The following MROH2A variants were observed in gnomAD, a reference collection of about 807,000 sequenced individuals.
MROH2A encodes maestro heat-like repeat-containing protein family member 2A.
A neutral mutation model predicts 200.4 loss-of-function variants in MROH2A; 174 were observed. The observed-to-expected ratio is 0.87, with a 90% CI of 0.77 to 0.98. MROH2A has a LOEUF of 0.98. Among genes scored for constraint, MROH2A ranks in the 50% least tolerant of loss-of-function variants. The probability of loss-of-function intolerance (pLI) is 0.00; values close to 1 mark genes in which losing one functional copy is unlikely to be tolerated. For missense variants in MROH2A, 2,045 were observed against 2,139.6 expected, an observed-to-expected ratio of 0.96 and a Z score of 0.87; for synonymous variants, 829 against 840.4, an observed-to-expected ratio of 0.99 and a Z score of 0.23.
chr2:233,778,765 G>A (rs1414813142), intron 1 of MROH2A, among the ~76,000 whole-genome samples: 1 of 152,160 alleles, frequency 6.6e-6, no homozygotes, highest in Non-Finnish European at 1.5e-5. Context: ...GAGGGCGAGA[G>A]GGCTCTATTA....
At chr2:233,813,466 C>T (rs189711533) in intron 24 of MROH2A, among the ~76,000 whole-genome samples, 2 of 152,314 alleles carry the variant, frequency 1.3e-5, no homozygotes, top group East Asian at 3.9e-4. Context: ...TGCATCTCCC[C>T]TTCAATCACA....
intron 6 of MROH2A, among the ~76,000 whole-genome samples, 166 bp from the exon 7 acceptor site, chr2:233,793,507 C>T (rs764443756): frequency 3.3e-5 from 5 of 152,168 alleles, no homozygotes; most frequent in Non-Finnish European, 7.3e-5. Context: ...CACACACAGG[C>T]ACGCAGAGTA....
chr2:233,802,429 A>G (rs1173258215), intron 15 of MROH2A, 114 bp downstream of exon 15: 4 of 1,232,954 alleles, frequency 3.2e-6, no homozygotes, highest in Non-Finnish European at 3.3e-6. Flanking sequence ...TCTCCTGGAA[A>G]CATCCAAGTC....
At chr2:233,806,874 T>C (rs934648068) in intron 19 of MROH2A, among the ~76,000 whole-genome samples, 8 of 152,186 alleles carry the variant, frequency 5.3e-5, no homozygotes, top group Non-Finnish European at 2.9e-5. Context: ...ATTTGCAAGA[T>C]TTTGGTGCAC....
At chr2:233,829,093 C>T (rs1307462261) in intron 37 of MROH2A, 21 bp downstream of exon 37, 1 of 1,485,902 alleles carries the variant, frequency 6.7e-7, no homozygotes, top group African/African-American at 1.4e-5. Flanking sequence ...TGAGAGCCTC[C>T]CTGAGCTTGC....
At chr2:233,793,588 T>G in intron 6 of MROH2A, 85 bp from the exon 7 acceptor site, 1 of 1,279,594 alleles carries the variant, frequency 7.8e-7, no homozygotes, top group Non-Finnish European at 1.0e-6. Flanking sequence ...CATGAGCACT[T>G]CCACTCGGGA....
chr2:233,814,992 A>C (rs1336599279), intron 26 of MROH2A, among the ~76,000 whole-genome samples: 1 of 152,218 alleles, frequency 6.6e-6, no homozygotes, highest in Non-Finnish European at 1.5e-5. Flanking sequence ...ATATAACAAC[A>C]GTACCATGAT....
rs1389679345 is a variant in MROH2A, at chr2:233,823,587, C to G, written c.4036C>G (p.Gln1346Glu). The G allele has an allele frequency of 3.2e-6, 5 of 1,550,252 alleles. No homozygotes were observed. Among genetic ancestry groups the G allele is most frequent in the Non-Finnish European group, 4.4e-6 (5 of 1,146,974 alleles). ...LCMQHVEGHR[Q>E]RLAELVLRGM... ...CATGCAGCACGTGGAGGGCCACAGGCAGAGGCTGGCCGAGCTGGTGCTCAG... is the reference window on the plus strand; with the variant it reads ...CATGCAGCACGTGGAGGGCCACAGGGAGAGGCTGGCCGAGCTGGTGCTCAG... Residue 1346 changes from glutamine to glutamate, a missense_variant, in exon 35 of 42, where the codon CAG becomes GAG. Physicochemically the swap from Gln to Glu is conservative, Grantham distance 29 (BLOSUM62 2). This residue lies in a region of MROH2A where 1,201 missense variants were observed against 1,311.3 expected (regional missense o/e 0.92). Coordinates refer to ENST00000389758, the MANE Select transcript of MROH2A (RefSeq NM_001394639.1).
At chr2:233,792,406 G>A (rs1468223925) in intron 5 of MROH2A, among the ~76,000 whole-genome samples, 2 of 150,928 alleles carry the variant, frequency 1.3e-5, no homozygotes, top group African/African-American at 2.4e-5. Flanking sequence ...TCCGCCTCCC[G>A]GGTTCACGCC....
chr2:233,801,866 G>A (rs1230534003), intron 14 of MROH2A, among the ~76,000 whole-genome samples: 2 of 152,212 alleles, frequency 1.3e-5, no homozygotes, highest in Non-Finnish European at 2.9e-5. Context: ...GGAGGGCCCT[G>A]GATGAGAAGG....
intron 27 of MROH2A, among the ~76,000 whole-genome samples, chr2:233,817,095 G>A (rs1159779134): frequency 6.6e-6 from 1 of 152,214 alleles, no homozygotes; most frequent in African/African-American, 2.4e-5. Context: ...GCTTTGTGGG[G>A]CCTGTGGCTT....
intron 1 of MROH2A, among the ~76,000 whole-genome samples, 187 bp downstream of exon 1, chr2:233,778,668 G>A (rs1700785547): frequency 6.6e-6 from 1 of 152,186 alleles, no homozygotes; most frequent in South Asian, 2.1e-4. Context: ...TTAAGAAGCT[G>A]TGGATGTTGA....
In MROH2A at chr2:233,828,734, G is replaced by C; in HGVS notation, c.4218G>C (p.Leu1406=). 1 of 1,550,548 alleles carries C rather than the reference G, an allele frequency of 6.4e-7. No homozygotes were observed. The highest frequency in any genetic ancestry group is 8.7e-7 in the Non-Finnish European group (1 of 1,146,928). ...AGGAAGACGAGGCCCTGCGGGTGCT[G>C]TCCCTGCGCGCCCTCGGCAACATGG... is the stretch of plus-strand genomic sequence containing the variant. ...DQEEDEALRV[L]SLRALGNMAL... Residue 1406 remains leucine, a synonymous_variant, in exon 36 of 42, where the codon CTG becomes CTC. Transcript: ENST00000389758. The surrounding 1 kb of genome is among the most constrained non-coding windows in gnomAD (Gnocchi z 4.6).
intron 26 of MROH2A, among the ~76,000 whole-genome samples, chr2:233,816,120 G>A (rs1319625139): frequency 6.6e-6 from 1 of 151,980 alleles, no homozygotes; most frequent in Admixed American, 6.5e-5. Context: ...CATCTATCTT[G>A]GTAAATATTT....
Position 233,799,908 on chromosome 2 carries a change from C to A in MROH2A, c.1449+9C>A. On this transcript the variant is annotated intron_variant, in intron 13 of 41. Coordinates refer to ENST00000389758, the MANE Select transcript of MROH2A (RefSeq NM_001394639.1). The stretch of plus-strand genomic sequence containing the variant: ...TATCCACCTACAAACTGGTGAGTGG[C>A]CCTGATACGCAGACCGCAGAGCAGC... 1 of 1,550,392 alleles carries A rather than the reference C, an allele frequency of 6.4e-7. No homozygotes were observed. The highest frequency in any genetic ancestry group is 8.7e-7 in the Non-Finnish European group (1 of 1,146,894).
In MROH2A at chr2:233,804,504, A is replaced by G; in HGVS notation, c.1901A>G (p.Glu634Gly). 6.4e-7 allele frequency: 1 copy of G among 1,551,286 alleles called. No homozygotes were observed. The highest frequency in any genetic ancestry group is 8.7e-7 in the Non-Finnish European group (1 of 1,147,138). Residue 634 changes from glutamate (E) to glycine (G), a missense_variant, in exon 18 of 42, where the codon GAG becomes GGG. Transcript: ENST00000389758. ...ACATGTGTTCCTGCAGAACATACTG[A>G]GTTCACTTGGGATCAGAAAGCCTGG... ...LLVRYLEEHT[E>G]FTWDQKAWED...
intron 40 of MROH2A, 120 bp downstream of exon 40, chr2:233,832,399 C>A: frequency 1.0e-6 from 1 of 986,208 alleles, no homozygotes; most frequent in South Asian, 1.5e-5. Flanking sequence ...GACCAGAGCT[C>A]AGGTCTAAGC....
chr2:233,799,788 G>A lies in MROH2A; in HGVS notation c.1338G>A (p.Met446Ile). Residue 446 changes from methionine to isoleucine, a missense_variant, in exon 13 of 42, where the codon ATG (methionine) becomes ATA (isoleucine). By Grantham distance (10) the Met-to-Ile change is conservative (BLOSUM62 1). Around this residue, in one of 3 missense-constraint regions of MROH2A, gnomAD observed 831 missense variants for 800.0 expected, o/e 1.04. Transcript: ENST00000389758. ...TISDTRSKVRMAILHIIGQLA... is the reference protein window; with the variant it reads ...TISDTRSKVRIAILHIIGQLA... ...CGGTCCTGTCCCCTCAGGTGAGGAT[G>A]GCTATTCTCCACATCATTGGGCAGT... 1 of 1,550,444 alleles carries A rather than the reference G, an allele frequency of 6.4e-7. No individual in the cohort carries two copies. The highest frequency in any genetic ancestry group is 8.7e-7 in the Non-Finnish European group (1 of 1,146,968).
Position 233,802,211 on chromosome 2 carries a change from A to T in MROH2A, c.1604A>T (p.Tyr535Phe). Residue 535 changes from tyrosine to phenylalanine, a missense_variant, in exon 15 of 42, where the codon TAC becomes TTC. Physicochemically the swap from Tyr to Phe is conservative, Grantham distance 22. This residue lies in a region of MROH2A where 831 missense variants were observed against 800.0 expected (regional missense o/e 1.04). Transcript: ENST00000389758. ...RLLCYIMETD[Y>F]VEALTPICIS... ...CTGTGCTACATCATGGAGACAGACT[A>T]CGTGGAAGCTTTGACTCCTATCTGT... The T allele has an allele frequency of 6.4e-7, 1 of 1,550,404 alleles. No individual in the cohort carries two copies. Among genetic ancestry groups the T allele is most frequent in the Non-Finnish European group, 8.7e-7 (1 of 1,146,900 alleles).
Sources: allele counts gnomAD v4.1 joint callset (sites outside exome capture counted in the v4.1 genomes callset), GRCh38; gene constraint gnomAD v4.1.1; regional missense constraint gnomAD v4.1.1; non-coding constraint Gnocchi (gnomAD v3.1); transcripts MANE v1.5; gene names NCBI Gene and HGNC (gene_info 2026-07-23, HGNC 2026-07-21).